Variants in PRKCA observed in about 807,000 individuals in gnomAD.
PRKCA encodes the protein protein kinase C alpha, also known as protein kinase C alpha type.
PRKCA carries 27 observed loss-of-function variants against 87.0 expected under a neutral mutation model. The observed-to-expected ratio is 0.31, with a 90% CI of 0.23 to 0.43. The LOEUF is 0.43. Among genes scored for constraint, PRKCA ranks in the 20% least tolerant of loss-of-function variants. The pLI, the probability that PRKCA is intolerant of heterozygous loss-of-function variation, is 1.00. For synonymous variants in PRKCA, 329 were observed against 311.1 expected, an observed-to-expected ratio of 1.06 and a Z score of -0.61; for missense variants, 518 against 852.3, an observed-to-expected ratio of 0.61 and a Z score of 4.88.
intron 2 of PRKCA, among the ~76,000 whole-genome samples, chr17:66,451,529 A>G (rs1433060950): frequency 2.0e-5 from 3 of 152,190 alleles, no homozygotes; most frequent in Non-Finnish European, 4.4e-5. Flanking sequence ...TAATTAGAAT[A>G]CATCTACAGG....
intron 2 of PRKCA, among the ~76,000 whole-genome samples, chr17:66,386,772 A>G (rs1318774199): frequency 6.6e-6 from 1 of 151,558 alleles, no homozygotes; most frequent in Non-Finnish European, 1.5e-5. Flanking sequence ...TCCACTAGTA[A>G]TTAAACTTTT....
chr17:66,563,107 C>A (rs1026768153), intron 3 of PRKCA, among the ~76,000 whole-genome samples: 1 of 152,094 alleles, frequency 6.6e-6, no homozygotes, highest in African/African-American at 2.4e-5. Context: ...ATACCTGCCC[C>A]TCTCCTCAAC....
At position 66,733,944 on chromosome 17, in the gene PRKCA, G is replaced by A. The variant is rs545545230; in HGVS notation, c.1056+1119G>A. ...CATCACAGAAAAGAATGTTTGTAAG[G>A]CCAGTTCTCTGTCCAGTCCAAGTCA... On this transcript the variant is annotated intron_variant, in intron 9 of 16. Coordinates refer to ENST00000413366, the MANE Select transcript of PRKCA (RefSeq NM_002737.3). 3.9e-5 allele frequency among the ~76,000 whole-genome samples: 6 copies of A among 152,326 alleles called. No individual in the cohort carries two copies. The South Asian group carries it at 1.2e-3, about 32-fold the overall frequency.
chr17:66,358,120 A>G (rs1908170704), intron 2 of PRKCA, among the ~76,000 whole-genome samples: 1 of 152,170 alleles, frequency 6.6e-6, no homozygotes, highest in Non-Finnish European at 1.5e-5. Context: ...GTGTCATATT[A>G]GTCTATTCTA....
At chr17:66,735,920 C>CTTTTTTTTTTTTT (rs5821508) in intron 10 of PRKCA, among the ~76,000 whole-genome samples, 1 of 122,116 alleles carries the variant, frequency 8.2e-6, no homozygotes, top group East Asian at 2.4e-4. Flanking sequence ...TTCTTTCTTT[C>CTTTTTTTTTTTTT]TTTTTTTTTT....
intron 3 of PRKCA, among the ~76,000 whole-genome samples, chr17:66,569,945 C>CA (rs150911331): frequency 0.011 from 1,617 of 152,242 alleles, 29 homozygotes; most frequent in African/African-American, 0.037. Context: ...AAGTCATGCC[C>CA]AAAATGTTCA....
intron 2 of PRKCA, among the ~76,000 whole-genome samples, chr17:66,453,897 A>T (rs1914456003): frequency 6.6e-6 from 1 of 152,222 alleles, no homozygotes; most frequent in African/African-American, 2.4e-5. Flanking sequence ...AGGAGCATCC[A>T]GGCTTTTAAA....
chr17:66,668,889 G>A (rs1177647434), intron 5 of PRKCA, among the ~76,000 whole-genome samples: 1 of 152,092 alleles, frequency 6.6e-6, no homozygotes, highest in Non-Finnish European at 1.5e-5. Flanking sequence ...GATCACTTGA[G>A]GCCAGAAGTT....
At chr17:66,331,524 T>C in intron 2 of PRKCA, among the ~76,000 whole-genome samples, 1 of 152,200 alleles carries the variant, frequency 6.6e-6, no homozygotes, top group East Asian at 1.9e-4. Context: ...ATATTCATTG[T>C]GAGTCGGTAC....
At chr17:66,647,777 T>G (rs1414036014) in intron 5 of PRKCA, among the ~76,000 whole-genome samples, 1 of 152,206 alleles carries the variant, frequency 6.6e-6, no homozygotes, top group East Asian at 1.9e-4. Flanking sequence ...ACAAGACCTT[T>G]CACTGGGTTG....
At chr17:66,449,150 G>A (rs1170406750) in intron 2 of PRKCA, among the ~76,000 whole-genome samples, 1 of 151,980 alleles carries the variant, frequency 6.6e-6, no homozygotes, top group Non-Finnish European at 1.5e-5. Flanking sequence ...ATAGCTGGGT[G>A]TGGTGGCATG....
intron 13 of PRKCA, among the ~76,000 whole-genome samples, chr17:66,751,150 G>A (rs991785701): frequency 6.6e-6 from 1 of 152,224 alleles, no homozygotes; most frequent in African/African-American, 2.4e-5. Context: ...TTGCCCAGGC[G>A]ATGGCAGGAT....
chr17:66,604,067 C>T (rs951831809), intron 3 of PRKCA, among the ~76,000 whole-genome samples: 2 of 152,198 alleles, frequency 1.3e-5, no homozygotes, highest in African/African-American at 2.4e-5. Context: ...AAGCCTTCCT[C>T]TCCATCAGTT....
intron 5 of PRKCA, among the ~76,000 whole-genome samples, chr17:66,667,315 G>A (rs1488036641): frequency 6.6e-6 from 1 of 152,152 alleles, no homozygotes; most frequent in Non-Finnish European, 1.5e-5. Context: ...TTCTTACACT[G>A]CTAATAAAGA....
chr17:66,444,277 T>C (rs183477541), intron 2 of PRKCA, among the ~76,000 whole-genome samples: 1 of 152,276 alleles, frequency 6.6e-6, no homozygotes, highest in East Asian at 1.9e-4. Flanking sequence ...GTCAAGGCAC[T>C]TCAGATAGAG....
intron 13 of PRKCA, among the ~76,000 whole-genome samples, chr17:66,756,185 A>G (rs1163284957): frequency 6.6e-6 from 1 of 152,182 alleles, no homozygotes; most frequent in Admixed American, 6.5e-5. Flanking sequence ...AGTAATAACC[A>G]TTGTGAAATA....
At chr17:66,310,207 ATTT>A (rs11361111) in intron 2 of PRKCA, among the ~76,000 whole-genome samples, 1 of 145,308 alleles carries the variant, frequency 6.9e-6, no homozygotes, top group Non-Finnish European at 1.5e-5. Context: ...GTTTTCTCTA[ATTT>A]TTTTTTTTTT....
intron 3 of PRKCA, among the ~76,000 whole-genome samples, chr17:66,516,171 C>T (rs1966963478): frequency 6.6e-6 from 1 of 152,178 alleles, no homozygotes; most frequent in South Asian, 2.1e-4. Context: ...GGAGGCGGGG[C>T]TCCTCTGTGG....
At chr17:66,633,309 TA>T (rs78106378) in intron 3 of PRKCA, among the ~76,000 whole-genome samples, 1,710 of 149,320 alleles carry the variant, frequency 0.011, 22 homozygotes, top group Middle Eastern at 0.017. Context: ...ATCATAGGGT[TA>T]AAAAAAAAAC....
Sources: gnomAD v4.1 joint callset for allele counts (sites outside exome capture counted in the v4.1 genomes callset) on GRCh38, gnomAD v4.1.1 for gene constraint, MANE v1.5 for transcripts, NCBI Gene and HGNC (gene_info 2026-07-23, HGNC 2026-07-21) for gene names.